Variants in PDGFC observed in about 807,000 individuals in gnomAD.
PDGFC encodes platelet derived growth factor C.
In PDGFC, 12 loss-of-function variants were observed where a neutral mutation model predicts 35.5. The ratio of observed to expected loss-of-function variants is 0.34; its 90% confidence interval spans 0.22 to 0.55. PDGFC has a LOEUF of 0.55. PDGFC is among the 20% of genes least tolerant of loss of function. The pLI is 0.91. For synonymous variants in PDGFC, 159 were observed against 148.8 expected, an observed-to-expected ratio of 1.07 and a Z score of -0.50; for missense variants, 322 against 412.4, an observed-to-expected ratio of 0.78 and a Z score of 1.90.
chr4:156,909,479 T>C (rs537256060), intron 1 of PDGFC, among the ~76,000 whole-genome samples: 1 of 152,064 alleles, frequency 6.6e-6, no homozygotes, highest in Admixed American at 6.5e-5. Context: ...TTTGGGAGAG[T>C]GTAATTTACA....
chr4:156,805,750 G>A (rs1045846689), intron 3 of PDGFC, among the ~76,000 whole-genome samples: 1 of 151,936 alleles, frequency 6.6e-6, no homozygotes, highest in Non-Finnish European at 1.5e-5. Flanking sequence ...GCATATGTCA[G>A]AAGGGATGAA....
intron 3 of PDGFC, among the ~76,000 whole-genome samples, chr4:156,783,634 A>G (rs1731039099): frequency 6.6e-6 from 1 of 152,126 alleles, no homozygotes; most frequent in South Asian, 2.1e-4. Flanking sequence ...GTGATCCACC[A>G]TTCTGTTCAT....
chr4:156,867,974 T>A (rs1729885571), intron 1 of PDGFC, among the ~76,000 whole-genome samples: 1 of 151,996 alleles, frequency 6.6e-6, no homozygotes, highest in Admixed American at 6.6e-5. Flanking sequence ...ACTTCTTGGG[T>A]TCAAGCGATT....
At chr4:156,835,917 T>C (rs1426484452) in intron 2 of PDGFC, 1 of 152,232 alleles carries the variant, frequency 6.6e-6, no homozygotes, top group Non-Finnish European at 1.5e-5. Flanking sequence ...GATTTTACCT[T>C]GATGCATGAA....
At chr4:156,896,534 A>ACC (rs1309221278) in intron 1 of PDGFC, among the ~76,000 whole-genome samples, 1 of 152,212 alleles carries the variant, frequency 6.6e-6, no homozygotes, top group Non-Finnish European at 1.5e-5. Flanking sequence ...CTTTCAACAT[A>ACC]CCCAGAACAC....
intron 1 of PDGFC, among the ~76,000 whole-genome samples, chr4:156,890,015 C>T (rs774234251): frequency 3.9e-5 from 6 of 152,086 alleles, no homozygotes; most frequent in Admixed American, 6.6e-5. Context: ...TATAAGTAAG[C>T]AGCTCCTCTG....
intron 2 of PDGFC, among the ~76,000 whole-genome samples, chr4:156,844,858 T>C (rs1311220585): frequency 1.3e-5 from 2 of 152,004 alleles, no homozygotes; most frequent in Non-Finnish European, 2.9e-5. Context: ...AATAATTTAA[T>C]GCAACTGTCT....
At chr4:156,949,608 G>A (rs1732032415) in intron 1 of PDGFC, among the ~76,000 whole-genome samples, 1 of 151,886 alleles carries the variant, frequency 6.6e-6, no homozygotes, top group African/African-American at 2.4e-5. Context: ...CTATTCAGAA[G>A]GGAGGAGAAT....
intron 1 of PDGFC, among the ~76,000 whole-genome samples, chr4:156,879,283 G>C (rs999230563): frequency 6.6e-6 from 1 of 152,144 alleles, no homozygotes; most frequent in African/African-American, 2.4e-5. Flanking sequence ...TTCACAAAGT[G>C]TATTTTGAAA....
chr4:156,863,898 T>C (rs1163358552), intron 1 of PDGFC, among the ~76,000 whole-genome samples: 1 of 152,160 alleles, frequency 6.6e-6, no homozygotes, highest in African/African-American at 2.4e-5. Context: ...TTCACACATA[T>C]ATTCATTTAA....
intron 1 of PDGFC, among the ~76,000 whole-genome samples, chr4:156,890,621 T>C (rs1730480979): frequency 6.6e-6 from 1 of 152,148 alleles, no homozygotes; most frequent in Admixed American, 6.5e-5. Context: ...CCCTCTTTGG[T>C]TGGTTTACTT....
chr4:156,806,005 A>G (rs536470687), intron 3 of PDGFC, among the ~76,000 whole-genome samples: 104 of 152,144 alleles, frequency 6.8e-4, no homozygotes, highest in Non-Finnish European at 1.3e-3. Context: ...CATTAAGAAA[A>G]ACACACAGTG....
chr4:156,777,315 CGTT>C (rs1730856361), intron 3 of PDGFC, among the ~76,000 whole-genome samples: 1 of 152,100 alleles, frequency 6.6e-6, no homozygotes, highest in Non-Finnish European at 1.5e-5. Flanking sequence ...TATAGACACA[CGTT>C]GTATTATGGG....
In PDGFC at chr4:156,947,476, G is replaced by A. The variant is rs148242257; in HGVS notation, c.118+23310C>T. On this transcript the variant is annotated intron_variant, in intron 1 of 5. Transcript: ENST00000502773. ...AAACTAAGTAAACATCAAAATGAAG[G>A]ATGACAATGAAAGACAGGACAACAA... Among the ~76,000 whole-genome samples, 123 of 152,100 alleles carry A rather than the reference G, an allele frequency of 8.1e-4. 1 individual carries two copies. The East Asian group carries it at 0.016, about 19-fold the overall frequency.
At chr4:156,957,960 AT>A (rs1282935652) in intron 1 of PDGFC, among the ~76,000 whole-genome samples, 1 of 151,940 alleles carries the variant, frequency 6.6e-6, no homozygotes, top group Non-Finnish European at 1.5e-5. Context: ...GCACGTGCAA[AT>A]GATGCTCATC....
chr4:156,907,541 G>A (rs145329447), intron 1 of PDGFC, among the ~76,000 whole-genome samples: 1 of 152,132 alleles, frequency 6.6e-6, no homozygotes, highest in African/African-American at 2.4e-5. Context: ...GAGACATTGA[G>A]GGCCCCCCAC....
intron 3 of PDGFC, among the ~76,000 whole-genome samples, chr4:156,793,563 A>ATG (rs1491330936): frequency 8.1e-6 from 1 of 123,410 alleles, no homozygotes; most frequent in East Asian, 2.3e-4. Context: ...ATATATATAT[A>ATG]AAACACTTTA....
intron 1 of PDGFC, among the ~76,000 whole-genome samples, chr4:156,964,959 C>T (rs1732431373): frequency 6.6e-6 from 1 of 152,168 alleles, no homozygotes; most frequent in Non-Finnish European, 1.5e-5. Context: ...AGTCCTTGGT[C>T]TGCATCACAT....
chr4:156,797,988 G>T (rs1731495316), intron 3 of PDGFC, among the ~76,000 whole-genome samples: 1 of 152,044 alleles, frequency 6.6e-6, no homozygotes, highest in South Asian at 2.1e-4. Context: ...TCAGGAATTC[G>T]AGACCAGCCC....
Sources: gnomAD v4.1 joint callset for allele counts (sites outside exome capture counted in the v4.1 genomes callset) on GRCh38, gnomAD v4.1.1 for gene constraint, MANE v1.5 for transcripts, NCBI Gene and HGNC (gene_info 2026-07-23, HGNC 2026-07-21) for gene names.